Variants in CDYL2 observed in about 807,000 individuals in gnomAD.
The protein encoded by CDYL2 is chromodomain Y like 2.
In CDYL2, 23 loss-of-function variants were observed where a neutral mutation model predicts 49.4. That is an observed-to-expected ratio of 0.47 (90% CI 0.34 to 0.66). The LOEUF is 0.66. Among genes scored for constraint, CDYL2 ranks in the 30% least tolerant of loss-of-function variants. The pLI is 0.01. For missense variants in CDYL2, 678 were observed against 656.4 expected, an observed-to-expected ratio of 1.03 and a Z score of -0.36; for synonymous variants, 360 against 268.8, an observed-to-expected ratio of 1.34 and a Z score of -3.32.
At chr16:80,609,017 A>G (rs974604156) in intron 5 of CDYL2, among the ~76,000 whole-genome samples, 1 of 152,180 alleles carries the variant, frequency 6.6e-6, no homozygotes, top group Non-Finnish European at 1.5e-5. Context: ...CATCTCTCCA[A>G]GCAGCTCAGG....
intron 2 of CDYL2, among the ~76,000 whole-genome samples, chr16:80,652,060 C>T (rs1184660839): frequency 2.0e-5 from 3 of 152,120 alleles, no homozygotes; most frequent in Non-Finnish European, 4.4e-5. Context: ...AGGGTATATA[C>T]ACAGGTTAGT....
At chr16:80,800,819 A>G (rs372484489) in intron 1 of CDYL2, among the ~76,000 whole-genome samples, 31 of 152,200 alleles carry the variant, frequency 2.0e-4, no homozygotes, top group African/African-American at 6.3e-4. Flanking sequence ...AGAGAGAGAC[A>G]AGAAAACTGA....
At chr16:80,702,127 G>C (rs376400390) in intron 1 of CDYL2, among the ~76,000 whole-genome samples, 2 of 151,784 alleles carry the variant, frequency 1.3e-5, no homozygotes, top group Non-Finnish European at 2.9e-5. Flanking sequence ...AGGAATCAGA[G>C]TTTGGGGGTT....
In CDYL2 at chr16:80,613,000, G is replaced by A. The variant is rs1174923350; in HGVS notation, c.1008-164C>T. ...CTGGACATGGAACCACCAGCTGTCA[G>A]ATTTTCTGAGGTATACTGATGGGGT... On this transcript the variant is annotated intron_variant, in intron 4 of 6. Coordinates refer to ENST00000570137, the MANE Select transcript of CDYL2 (RefSeq NM_152342.4). This position sits in a 1 kb window ranked among gnomAD's most constrained non-coding sequence, Gnocchi z 5.0. Among the ~76,000 whole-genome samples, 1 of 152,120 alleles carries A rather than the reference G, an allele frequency of 6.6e-6. No homozygotes were observed. Among genetic ancestry groups the A allele is most frequent in the East Asian group, 1.9e-4 (1 of 5,194 alleles).
intron 6 of CDYL2, among the ~76,000 whole-genome samples, chr16:80,605,843 C>A (rs773472291): frequency 6.6e-6 from 1 of 152,176 alleles, no homozygotes; most frequent in African/African-American, 2.4e-5. Flanking sequence ...CTCATGATAA[C>A]CCTGCAAGTA....
intron 1 of CDYL2, among the ~76,000 whole-genome samples, chr16:80,745,681 C>G (rs528956715): frequency 6.6e-6 from 1 of 152,286 alleles, no homozygotes; most frequent in East Asian, 1.9e-4. Context: ...AGTTATCAAC[C>G]TGGAGCAAGA....
At chr16:80,604,676 G>T in intron 6 of CDYL2, 130 bp from the exon 7 acceptor site, 2 of 875,060 alleles carry the variant, frequency 2.3e-6, no homozygotes, top group Non-Finnish European at 3.7e-6. Flanking sequence ...CTCCAGCCTG[G>T]GCCTTCCCAG....
chr16:80,707,462 A>G (rs540492129), intron 1 of CDYL2, among the ~76,000 whole-genome samples: 1 of 152,246 alleles, frequency 6.6e-6, no homozygotes, highest in East Asian at 1.9e-4. Context: ...TGTTGTCTCA[A>G]AAAAAAGAAA....
At chr16:80,644,162 T>A (rs532472293) in intron 2 of CDYL2, among the ~76,000 whole-genome samples, 1 of 152,146 alleles carries the variant, frequency 6.6e-6, no homozygotes. Context: ...GTTCCACAAA[T>A]CTCTAAGGCA....
chr16:80,706,730 A>T (rs1413239645), intron 1 of CDYL2, among the ~76,000 whole-genome samples: 1 of 152,230 alleles, frequency 6.6e-6, no homozygotes, highest in Non-Finnish European at 1.5e-5. Flanking sequence ...ATAGACAAAG[A>T]GGAAGAAACA....
intron 1 of CDYL2, among the ~76,000 whole-genome samples, chr16:80,746,235 T>G (rs1014992168): frequency 1.3e-5 from 2 of 152,164 alleles, no homozygotes; most frequent in Admixed American, 1.3e-4. Flanking sequence ...AAAATCCAAC[T>G]CTGTCTGAGC....
intron 5 of CDYL2, among the ~76,000 whole-genome samples, chr16:80,611,109 C>T (rs1057182797): frequency 2.6e-5 from 4 of 152,150 alleles, no homozygotes; most frequent in East Asian, 1.9e-4. Flanking sequence ...GGAATTCTTG[C>T]GTCTGTTCAA....
intron 2 of CDYL2, among the ~76,000 whole-genome samples, chr16:80,666,065 A>G (rs185771390): frequency 6.6e-6 from 1 of 151,882 alleles, no homozygotes; most frequent in East Asian, 1.9e-4. Flanking sequence ...AGAAATGAAG[A>G]CTCATGAGGC....
chr16:80,607,142 C>T (rs995040160), intron 6 of CDYL2, among the ~76,000 whole-genome samples: 2 of 152,062 alleles, frequency 1.3e-5, no homozygotes, highest in Non-Finnish European at 2.9e-5. Context: ...GCTCGTGGCC[C>T]GCGTGAGTGT....
chr16:80,712,039 ATG>A (rs1468359191), intron 1 of CDYL2, among the ~76,000 whole-genome samples: 2 of 150,298 alleles, frequency 1.3e-5, no homozygotes, highest in Non-Finnish European at 3.0e-5. Context: ...GTGTATATAT[ATG>A]TGTGTATATA....
chr16:80,720,234 T>G (rs1904952982), intron 1 of CDYL2, among the ~76,000 whole-genome samples: 1 of 152,104 alleles, frequency 6.6e-6, no homozygotes. Flanking sequence ...CCCCTCTCTG[T>G]GGACATGCCT....
chr16:80,683,922 C>T (rs1910069319), intron 2 of CDYL2, among the ~76,000 whole-genome samples: 1 of 152,192 alleles, frequency 6.6e-6, no homozygotes, highest in Admixed American at 6.5e-5. Context: ...ATAAATTACC[C>T]ATTCTAAGGT....
intron 6 of CDYL2, among the ~76,000 whole-genome samples, chr16:80,606,449 G>A (rs923132076): frequency 3.3e-5 from 5 of 152,204 alleles, no homozygotes; most frequent in African/African-American, 1.2e-4. Context: ...CAGCTTGCAG[G>A]CCAGTCTCCC....
At chr16:80,674,930 T>C (rs1909681509) in intron 2 of CDYL2, among the ~76,000 whole-genome samples, 1 of 152,172 alleles carries the variant, frequency 6.6e-6, no homozygotes, top group South Asian at 2.1e-4. Context: ...CAGGTGTGTG[T>C]GTATATATGA....
Sources: allele counts gnomAD v4.1 joint callset (sites outside exome capture counted in the v4.1 genomes callset), GRCh38; gene constraint gnomAD v4.1.1; non-coding constraint Gnocchi (gnomAD v3.1); transcripts MANE v1.5; gene names NCBI Gene and HGNC (gene_info 2026-07-23, HGNC 2026-07-21).